TENM4: variants seen among roughly 807,000 people sequenced by gnomAD.
TENM4 encodes teneurin-4.
A neutral mutation model predicts 243.3 loss-of-function variants in TENM4; 82 were observed. That is an observed-to-expected ratio of 0.34 (90% CI 0.28 to 0.40). The LOEUF is 0.40. Ranked by LOEUF, TENM4 falls within the 10% of genes least tolerant of loss-of-function variation. The pLI is 1.00. For missense variants in TENM4, 3,138 were observed against 3,673.3 expected (o/e 0.85, Z 3.77); for synonymous variants, 1,412 against 1,456.3 (o/e 0.97, Z 0.69).
intron 3 of TENM4, among the ~76,000 whole-genome samples, chr11:79,187,269 A>G (rs1863397041): frequency 6.6e-6 from 1 of 152,210 alleles, no homozygotes; most frequent in Admixed American, 6.5e-5. Context: ...GAAAAGTGCA[A>G]GACTAAGAAT....
chr11:79,093,642 G>A (rs913534064), intron 4 of TENM4: 3 of 152,278 alleles, frequency 2.0e-5, no homozygotes, highest in Non-Finnish European at 4.4e-5. Flanking sequence ...TGGGAACAAA[G>A]GAGGGGGAGG....
At chr11:79,083,605 A>C (rs1276281275) in intron 4 of TENM4, among the ~76,000 whole-genome samples, 1 of 152,140 alleles carries the variant, frequency 6.6e-6, no homozygotes, top group East Asian at 1.9e-4. Context: ...TTCATTCTCT[A>C]AACTTGGCCT....
intron 2 of TENM4, among the ~76,000 whole-genome samples, chr11:79,247,623 C>A (rs1415728542): frequency 6.6e-6 from 1 of 152,118 alleles, no homozygotes; most frequent in African/African-American, 2.4e-5. Context: ...TGCAATGCAA[C>A]CATTAATAAT....
intron 1 of TENM4, among the ~76,000 whole-genome samples, chr11:79,311,135 G>T (rs1020800460): frequency 2.0e-5 from 3 of 152,168 alleles, no homozygotes; most frequent in African/African-American, 7.2e-5. Context: ...CATTCTGATT[G>T]CTCAGAGTGT....
Position 79,303,890 on chromosome 11 carries a change from C to T in TENM4, c.-320-6347G>A, listed in dbSNP as rs554423350. Among the ~76,000 whole-genome samples the T allele has an allele frequency of 3.3e-5, 5 of 152,274 alleles. No homozygotes were observed. The South Asian group carries it at 1.0e-3, about 32-fold the overall frequency. ...GCTGGTAGCGTGTTAAGAAGCCATC[C>T]AAGCTCACTGAAGTTCAAAAGAGTC... On this transcript the variant is annotated intron_variant, in intron 1 of 33. Coordinates refer to ENST00000278550, the MANE Select transcript of TENM4 (RefSeq NM_001098816.3).
intron 1 of TENM4, among the ~76,000 whole-genome samples, chr11:79,313,506 TA>T (rs1856754545): frequency 6.6e-6 from 1 of 152,214 alleles, no homozygotes; most frequent in Non-Finnish European, 1.5e-5. Context: ...TAGCTCTAAA[TA>T]CACTTGCTAA....
chr11:79,289,350 T>C (rs529810324), intron 2 of TENM4, among the ~76,000 whole-genome samples: 1 of 152,308 alleles, frequency 6.6e-6, no homozygotes, highest in South Asian at 2.1e-4. Flanking sequence ...ACTACCTTCT[T>C]TGGGACTGAG....
chr11:78,825,643 G>C (rs969718330), intron 12 of TENM4, among the ~76,000 whole-genome samples: 1 of 152,218 alleles, frequency 6.6e-6, no homozygotes, highest in East Asian at 1.9e-4. Context: ...CAGTTCCAAA[G>C]AGGAGGGCTT....
At chr11:79,042,522 C>T (rs1859561440) in intron 6 of TENM4, among the ~76,000 whole-genome samples, 1 of 152,232 alleles carries the variant, frequency 6.6e-6, no homozygotes, top group South Asian at 2.1e-4. Context: ...AAAGCACCAT[C>T]TGAGAAGCAG....
At chr11:79,230,328 T>A (rs1391040850) in intron 2 of TENM4, among the ~76,000 whole-genome samples, 1 of 152,218 alleles carries the variant, frequency 6.6e-6, no homozygotes, top group Non-Finnish European at 1.5e-5. Flanking sequence ...TCCAGAAGTT[T>A]AGAATCTAAG....
At chr11:79,420,567 C>T (rs1858909770) in intron 1 of TENM4, among the ~76,000 whole-genome samples, 1 of 152,144 alleles carries the variant, frequency 6.6e-6, no homozygotes, top group Non-Finnish European at 1.5e-5. Flanking sequence ...TTATGCCTCT[C>T]TTGGAGATTC....
intron 6 of TENM4, among the ~76,000 whole-genome samples, chr11:79,000,052 C>T (rs1226966854): frequency 6.6e-6 from 1 of 152,104 alleles, no homozygotes; most frequent in African/African-American, 2.4e-5. Context: ...AGGAAAGCAT[C>T]AATACAATTA....
chr11:79,431,188 A>C (rs1463879250), intron 1 of TENM4, among the ~76,000 whole-genome samples: 1 of 152,210 alleles, frequency 6.6e-6, no homozygotes, highest in Non-Finnish European at 1.5e-5. Context: ...GCTTCAACAA[A>C]TATCTACTTT....
intron 12 of TENM4, among the ~76,000 whole-genome samples, chr11:78,848,053 G>A (rs1373093763): frequency 3.3e-5 from 5 of 151,390 alleles, no homozygotes; most frequent in South Asian, 2.1e-4. Context: ...CATACCTAGA[G>A]AAAAAGAGGA....
At chr11:78,923,927 T>C in intron 6 of TENM4, among the ~76,000 whole-genome samples, 1 of 151,100 alleles carries the variant, frequency 6.6e-6, no homozygotes. Context: ...TGATCTCGGC[T>C]TACTGCAACC....
At chr11:79,055,704 G>T (rs1485833554) in intron 6 of TENM4, among the ~76,000 whole-genome samples, 1 of 152,152 alleles carries the variant, frequency 6.6e-6, no homozygotes, top group Non-Finnish European at 1.5e-5. Context: ...CCAGGTTGCA[G>T]ATGAAGAAAC....
At chr11:79,007,403 G>A (rs116331379) in intron 6 of TENM4, among the ~76,000 whole-genome samples, 1,596 of 152,172 alleles carry the variant, frequency 0.01, 23 homozygotes, top group African/African-American at 0.036. Flanking sequence ...GATTTCCCTT[G>A]GGTGACAAAG....
At chr11:78,763,395 AG>A (rs1267449491) in intron 18 of TENM4, among the ~76,000 whole-genome samples, 1 of 152,114 alleles carries the variant, frequency 6.6e-6, no homozygotes, top group Non-Finnish European at 1.5e-5. Context: ...GAAAAAAAGA[AG>A]GGGGGCCAGC....
intron 12 of TENM4, among the ~76,000 whole-genome samples, chr11:78,824,229 G>A (rs1857799639): frequency 6.6e-6 from 1 of 152,204 alleles, no homozygotes; most frequent in Non-Finnish European, 1.5e-5. Flanking sequence ...TGGTTCTGCA[G>A]GCTGTACAGG....
Sources: allele counts gnomAD v4.1 joint callset (sites outside exome capture counted in the v4.1 genomes callset), GRCh38; gene constraint gnomAD v4.1.1; transcripts MANE v1.5; gene names NCBI Gene and HGNC (gene_info 2026-07-23, HGNC 2026-07-21).